The following NCEH1 variants were observed in gnomAD, a reference collection of about 807,000 sequenced individuals.
NCEH1 encodes the protein neutral cholesterol ester hydrolase 1, also known as 2-acetyl MAGE hydrolase.
Under a neutral mutation model 25.4 loss-of-function variants are expected in NCEH1, and 9 were observed. That is an observed-to-expected ratio of 0.35 (90% confidence interval 0.21 to 0.62). The LOEUF is 0.62. Among genes scored for constraint, NCEH1 ranks in the 20% least tolerant of loss-of-function variants. The pLI is 0.72. For missense variants in NCEH1, 412 were observed against 501.1 expected, an observed-to-expected ratio of 0.82 and a Z score of 1.70; for synonymous variants, 200 against 199.8, an observed-to-expected ratio of 1.00 and a Z score of -0.01.
At chr3:172,697,252 C>T (rs1000985507) in intron 1 of NCEH1, among the ~76,000 whole-genome samples, 6 of 152,046 alleles carry the variant, frequency 3.9e-5, no homozygotes, top group African/African-American at 1.5e-4. Flanking sequence ...AAAGCAAATA[C>T]TGAGGCCATT....
chr3:172,669,605 C>T (rs1185742182), intron 1 of NCEH1, among the ~76,000 whole-genome samples: 9 of 152,284 alleles, frequency 5.9e-5, no homozygotes, highest in East Asian at 1.9e-4. Context: ...GGCACAATCT[C>T]GGCTCACTGC....
intron 3 of NCEH1, among the ~76,000 whole-genome samples, chr3:172,642,104 T>C (rs1472244287): frequency 2.6e-5 from 4 of 152,094 alleles, no homozygotes; most frequent in Non-Finnish European, 5.9e-5. Context: ...TAAATATTTA[T>C]GGAATAAAAG....
At chr3:172,677,144 G>A (rs1577077522) in intron 1 of NCEH1, among the ~76,000 whole-genome samples, 1 of 152,164 alleles carries the variant, frequency 6.6e-6, no homozygotes, top group Admixed American at 6.5e-5. Flanking sequence ...TCCCTTCTTT[G>A]ATATGACAGT....
intron 1 of NCEH1, among the ~76,000 whole-genome samples, chr3:172,701,666 A>T (rs1713703292): frequency 7.5e-6 from 1 of 133,048 alleles, no homozygotes; most frequent in Non-Finnish European, 1.5e-5. Flanking sequence ...GGGTTTCACC[A>T]TACCGGCCAG....
intron 1 of NCEH1, among the ~76,000 whole-genome samples, chr3:172,669,424 T>C (rs993942953): frequency 2.0e-5 from 3 of 152,248 alleles, no homozygotes; most frequent in Non-Finnish European, 2.9e-5. Flanking sequence ...CTCAGAATGG[T>C]AATATTTCTT....
chr3:172,643,370 T>A (rs957827719), intron 3 of NCEH1, among the ~76,000 whole-genome samples: 1 of 152,184 alleles, frequency 6.6e-6, no homozygotes, highest in African/African-American at 2.4e-5. Context: ...GTTTTCCCAG[T>A]AGCTCACATT....
At chr3:172,650,811 C>CAAAA (rs1717362772) in intron 1 of NCEH1, among the ~76,000 whole-genome samples, 1 of 89,984 alleles carries the variant, frequency 1.1e-5, no homozygotes. Context: ...GACTCTGCCT[C>CAAAA]GAAAAAAAAA....
chr3:172,695,717 G>A (rs571697397), intron 1 of NCEH1, among the ~76,000 whole-genome samples: 1 of 152,272 alleles, frequency 6.6e-6, no homozygotes, highest in East Asian at 1.9e-4. Flanking sequence ...GCCGAGGTGG[G>A]TGGATCATTT....
chr3:172,667,232 T>C (rs868556752), intron 1 of NCEH1, among the ~76,000 whole-genome samples: 1 of 152,240 alleles, frequency 6.6e-6, no homozygotes, highest in Non-Finnish European at 1.5e-5. Context: ...TATGTATTTT[T>C]AAGGCACCTA....
chr3:172,662,131 G>C (rs1012925136), intron 1 of NCEH1, among the ~76,000 whole-genome samples: 1 of 152,108 alleles, frequency 6.6e-6, no homozygotes. Context: ...TTATTATTTT[G>C]AGTTATGTCC....
At chr3:172,701,676 G>A (rs1220774665) in intron 1 of NCEH1, among the ~76,000 whole-genome samples, 2 of 143,812 alleles carry the variant, frequency 1.4e-5, no homozygotes, top group East Asian at 2.1e-4. Flanking sequence ...ATACCGGCCA[G>A]GCTGGTCTCA....
chr3:172,697,494 C>T (rs1713436807), intron 1 of NCEH1, among the ~76,000 whole-genome samples: 1 of 152,068 alleles, frequency 6.6e-6, no homozygotes, highest in South Asian at 2.1e-4. Context: ...CTGCAGAGTG[C>T]AGCTCTCTTG....
chr3:172,675,315 A>AAATAAATAAATAAATT (rs1560196990), intron 1 of NCEH1, among the ~76,000 whole-genome samples: 4 of 134,544 alleles, frequency 3.0e-5, no homozygotes, highest in African/African-American at 1.3e-4. Flanking sequence ...ATAAATAAAT[A>AAATAAATAAATAAATT]AATAAATAAA....
rs1000003990 is a variant in NCEH1, at chr3:172,648,210, C to T, written c.139-96G>A. On this transcript the variant is annotated intron_variant, in intron 1 of 4. Transcript: ENST00000475381. ...AACTGAGTGTCTGAATTCCTACAAG[C>T]AGCTGCCACTGGACTGGAGGGCTCA... 2.1e-6 allele frequency: 3 copies of T among 1,418,214 alleles called. No individual in the cohort carries two copies. The African/African-American group carries it at 4.2e-5, about 20-fold the overall frequency. The allele number at this position is 1,418,214 out of a possible 1,614,324, so 87.9% of individuals were successfully genotyped here. A position where few individuals can be genotyped will look rare whatever the true frequency, so the allele number is the denominator to read the frequency against.
Position 172,630,624 on chromosome 3 carries a change from A to G in NCEH1, c.*2851T>C, listed in dbSNP as rs574303905. 6.6e-6 allele frequency: 1 copy of G among 152,380 alleles called. No homozygotes were observed. Among genetic ancestry groups the G allele is most frequent in the South Asian group, 2.1e-4 (1 of 4,824 alleles). 9.4% of individuals were successfully genotyped at this position (152,380 alleles called of 1,614,324 possible). Reference sequence around the variant, plus strand: ...AGAGAACACTGTTTTCAAATGGGAAACAGAAAATGAGACGGGAAAATGAAA... The same window carrying G: ...AGAGAACACTGTTTTCAAATGGGAAGCAGAAAATGAGACGGGAAAATGAAA... On this transcript the variant is annotated 3_prime_UTR_variant, in exon 5 of 5. Coordinates refer to ENST00000475381, the MANE Select transcript of NCEH1 (RefSeq NM_020792.6).
At chr3:172,710,769 C>A in intron 1 of NCEH1, 78 bp downstream of exon 1, 1 of 1,531,990 alleles carries the variant, frequency 6.5e-7, no homozygotes. Context: ...TTCGTGGAAC[C>A]CGGCGGAGGA....
Position 172,699,752 on chromosome 3 carries a change from C to A in NCEH1, c.138+11095G>T, listed in dbSNP as rs557825052. ...TGGTGGTGTATGCCTGTGGTCCCAG[C>A]TACTTGGGAGGCTGAGGTGGGAAGA... On this transcript the variant is annotated intron_variant, in intron 1 of 4. Coordinates refer to ENST00000475381, the MANE Select transcript of NCEH1 (RefSeq NM_020792.6). Among the ~76,000 whole-genome samples, 101 of 152,196 alleles carry A rather than the reference C, an allele frequency of 6.6e-4. 2 individuals are homozygous for A. Among genetic ancestry groups the A allele is most frequent in the Admixed American group, 2.6e-4 (4 of 15,284 alleles).
intron 1 of NCEH1, among the ~76,000 whole-genome samples, chr3:172,698,878 G>C (rs533009850): frequency 1.2e-4 from 18 of 152,172 alleles, no homozygotes; most frequent in African/African-American, 3.9e-4. Flanking sequence ...CGACAGACGC[G>C]GTAACACAGT....
At chr3:172,681,243 G>C (rs192607070) in intron 1 of NCEH1, 2 of 151,514 alleles carry the variant, frequency 1.3e-5, no homozygotes, top group African/African-American at 4.8e-5. Context: ...AGAAACTGAA[G>C]AGAAAGATCA....
Sources: allele counts gnomAD v4.1 joint callset (sites outside exome capture counted in the v4.1 genomes callset), GRCh38; gene constraint gnomAD v4.1.1; transcripts MANE v1.5; gene names NCBI Gene and HGNC (gene_info 2026-07-23, HGNC 2026-07-21).